MAML3: variants seen among roughly 807,000 people sequenced by gnomAD.
MAML3 encodes the protein mastermind-like protein 3.
In MAML3, 27 loss-of-function variants were observed where a neutral mutation model predicts 101.9. That is an observed-to-expected ratio of 0.27 (90% CI 0.20 to 0.37). The LOEUF (loss-of-function observed/expected upper bound fraction) is 0.37. Among genes scored for constraint, MAML3 ranks in the 10% least tolerant of loss-of-function variants. MAML3 has a pLI of 1.00. For synonymous variants in MAML3, 501 were observed against 555.9 expected, an observed-to-expected ratio of 0.90 and a Z score of 1.39; for missense variants, 1,316 against 1,444.9, an observed-to-expected ratio of 0.91 and a Z score of 1.45.
intron 2 of MAML3, among the ~76,000 whole-genome samples, chr4:139,782,448 T>A (rs543677870): frequency 6.6e-6 from 1 of 152,322 alleles, no homozygotes; most frequent in East Asian, 1.9e-4. Flanking sequence ...ATTACAGGTG[T>A]GAGCCACTGT....
At chr4:140,076,460 G>A (rs1727767784) in intron 1 of MAML3, among the ~76,000 whole-genome samples, 1 of 152,178 alleles carries the variant, frequency 6.6e-6, no homozygotes, top group Non-Finnish European at 1.5e-5. Flanking sequence ...TGAGACTTTT[G>A]TGGTTGAAAT....
intron 1 of MAML3, among the ~76,000 whole-genome samples, chr4:139,914,533 AG>A (rs887851380): frequency 6.6e-6 from 1 of 152,188 alleles, no homozygotes; most frequent in African/African-American, 2.4e-5. Flanking sequence ...AATCCTGTAA[AG>A]GTGGCAGGTC....
Position 139,952,102 on chromosome 4 carries a change from C to T in MAML3, c.469-61135G>A, listed in dbSNP as rs149680860. 9.3e-4 allele frequency among the ~76,000 whole-genome samples: 142 copies of T among 152,120 alleles called. 3 individuals carry two copies. The East Asian group carries it at 0.026, about 28-fold the overall frequency. On this transcript the variant is annotated intron_variant, in intron 1 of 4. Coordinates refer to ENST00000509479, the MANE Select transcript of MAML3 (RefSeq NM_018717.5). ...ATCGCTTGAACCCAGGAGGCAGAGG[C>T]TGCAGTGAGCCGAGATCGTGCCATT...
intron 1 of MAML3, among the ~76,000 whole-genome samples, chr4:140,099,288 CTT>C (rs1464695311): frequency 1.3e-5 from 2 of 151,694 alleles, no homozygotes; most frequent in African/African-American, 4.8e-5. Flanking sequence ...AGGAGCAAAA[CTT>C]TTTTAAAAGC....
At chr4:140,101,096 G>A (rs1728245553) in intron 1 of MAML3, among the ~76,000 whole-genome samples, 1 of 152,118 alleles carries the variant, frequency 6.6e-6, no homozygotes, top group Non-Finnish European at 1.5e-5. Flanking sequence ...AGCAGCCATT[G>A]ACTGACTAAC....
At chr4:139,831,878 C>T (rs1351361485) in intron 2 of MAML3, among the ~76,000 whole-genome samples, 3 of 151,630 alleles carry the variant, frequency 2.0e-5, no homozygotes, top group South Asian at 2.1e-4. Context: ...CTGCAACCTC[C>T]GCCTCCCAGG....
At chr4:140,091,556 A>AAAAAC (rs1728053056) in intron 1 of MAML3, among the ~76,000 whole-genome samples, 2 of 150,408 alleles carry the variant, frequency 1.3e-5, no homozygotes, top group African/African-American at 4.9e-5. Context: ...AACAAAAAAA[A>AAAAAC]AAAACAGGAC....
At chr4:139,743,130 C>T (rs982400715) in intron 2 of MAML3, among the ~76,000 whole-genome samples, 1 of 152,210 alleles carries the variant, frequency 6.6e-6, no homozygotes, top group African/African-American at 2.4e-5. Context: ...AGGCAGGCTG[C>T]TTTACAGCAT....
chr4:139,859,544 T>C (rs932950382), intron 2 of MAML3, among the ~76,000 whole-genome samples: 42 of 152,248 alleles, frequency 2.8e-4, no homozygotes, highest in African/African-American at 9.4e-4. Context: ...CCTTGTATAC[T>C]TCATATAGTA....
chr4:139,774,985 A>G (rs1730065498), intron 2 of MAML3, among the ~76,000 whole-genome samples: 1 of 152,166 alleles, frequency 6.6e-6, no homozygotes. Flanking sequence ...CCGGGGAAAG[A>G]CTTCCTTTTA....
Position 139,890,926 on chromosome 4 carries a change from T to C in MAML3, c.510A>G (p.Ser170=). 1 of 1,613,436 alleles carries C rather than the reference T, an allele frequency of 6.2e-7. No homozygotes were observed. The highest frequency in any genetic ancestry group is 1.1e-5 in the South Asian group (1 of 90,980). Residue 170 remains serine (S), a synonymous_variant, in exon 2 of 5, where the codon TCA becomes TCG. Coordinates refer to ENST00000509479, the MANE Select transcript of MAML3 (RefSeq NM_018717.5). This position sits in a 1 kb window ranked among gnomAD's most constrained non-coding sequence, Gnocchi z 4.1. ...CATTCTGCTGGTCTCCATTAAGTGG[T>C]GATCGAGCTCCTTCCAACTTCCTTT... ...TVKRKLEGAR[S]PLNGDQQNGA...
At chr4:139,738,068 C>T (rs1405538823) in intron 2 of MAML3, among the ~76,000 whole-genome samples, 19 of 152,248 alleles carry the variant, frequency 1.2e-4, no homozygotes, top group African/African-American at 4.3e-4. Flanking sequence ...ATTGGGGGAA[C>T]CCCACAGGCC....
intron 1 of MAML3, among the ~76,000 whole-genome samples, chr4:140,020,430 A>G (rs1726713620): frequency 6.6e-6 from 1 of 151,528 alleles, no homozygotes; most frequent in Non-Finnish European, 1.5e-5. Flanking sequence ...TTGTTTGTGC[A>G]TTTGGTCAGT....
At chr4:139,801,637 TGTGTGG>T (rs1302775328) in intron 2 of MAML3, among the ~76,000 whole-genome samples, 3,147 of 15,754 alleles carry the variant, frequency 0.2, 44 homozygotes, top group Non-Finnish European at 0.27. Flanking sequence ...GAACAGGGTG[TGTGTGG>T]GTGTGTGTGT....
In MAML3 at chr4:139,994,436, A is replaced by G. The variant is rs376190042; in HGVS notation, c.469-103469T>C. On this transcript the variant is annotated intron_variant, in intron 1 of 4. Coordinates refer to ENST00000509479, the MANE Select transcript of MAML3 (RefSeq NM_018717.5). ...CCACAGCACTTTGAGAGGCTGAAGCAGGAGGATTGCTTGAGGCCAGGAGGT... is the reference window on the plus strand; with the variant it reads ...CCACAGCACTTTGAGAGGCTGAAGCGGGAGGATTGCTTGAGGCCAGGAGGT... Among the ~76,000 whole-genome samples the G allele has an allele frequency of 2.8e-3, 431 of 152,320 alleles. 2 individuals are homozygous for G. The highest frequency in any genetic ancestry group is 8.5e-3 in the African/African-American group (354 of 41,564).
At chr4:140,071,116 A>G (rs2110953414) in intron 1 of MAML3, among the ~76,000 whole-genome samples, 1 of 152,314 alleles carries the variant, frequency 6.6e-6, no homozygotes, top group Non-Finnish European at 1.5e-5. Flanking sequence ...TCGGATGCAT[A>G]CTGTGCACCT....
intron 1 of MAML3, among the ~76,000 whole-genome samples, chr4:139,908,360 G>A (rs1732857246): frequency 6.6e-6 from 1 of 152,092 alleles, no homozygotes; most frequent in African/African-American, 2.4e-5. Context: ...TCCAATTCCT[G>A]CTAATTTTGC....
Position 139,889,599 on chromosome 4 carries a change from T to C in MAML3, c.1837A>G (p.Ser613Gly), listed in dbSNP as rs767540249. The C allele has an allele frequency of 3.1e-6, 5 of 1,613,832 alleles. No homozygotes were observed. Among genetic ancestry groups the C allele is most frequent in the Non-Finnish European group, 4.2e-6 (5 of 1,179,898 alleles). ...GCCACTGGTGGTGTCATCCTCTGAC[T>C]CAGGTCTGCATTGAAGTGGGTCAGG... is the stretch of plus-strand genomic sequence containing the variant. ...KPLTHFNADL[S>G]QRMTPPVANP... The change falls in exon 2 of 5, where the codon AGT becomes GGT. Residue 613 changes from serine to glycine, a missense_variant. Coordinates refer to ENST00000509479, the MANE Select transcript of MAML3 (RefSeq NM_018717.5).
At chr4:140,072,315 T>A (rs140735510) in intron 1 of MAML3, among the ~76,000 whole-genome samples, 1 of 152,296 alleles carries the variant, frequency 6.6e-6, no homozygotes, top group Non-Finnish European at 1.5e-5. Context: ...AACAATACAG[T>A]GTAACAACCA....
Sources: allele counts gnomAD v4.1 joint callset (sites outside exome capture counted in the v4.1 genomes callset), GRCh38; gene constraint gnomAD v4.1.1; non-coding constraint Gnocchi (gnomAD v3.1); transcripts MANE v1.5; gene names NCBI Gene and HGNC (gene_info 2026-07-23, HGNC 2026-07-21).